The following ZBBX variants were observed in gnomAD, a reference collection of about 807,000 sequenced individuals.
The protein encoded by ZBBX is zinc finger B-box domain-containing protein 1.
ZBBX carries 101 observed loss-of-function variants against 108.5 expected under a neutral mutation model. The observed-to-expected ratio is 0.93, with a 90% CI of 0.79 to 1.10. ZBBX has a LOEUF of 1.10. ZBBX is among the 50% of genes least tolerant of loss of function. The pLI is 0.00. For missense variants in ZBBX, 1,009 were observed against 941.4 expected (o/e 1.07, Z -0.94); for synonymous variants, 356 against 323.4 (o/e 1.10, Z -1.08).
the ZBBX span, among the ~76,000 whole-genome samples, chr3:167,195,884 A>G: frequency 6.6e-6 from 1 of 152,196 alleles, no homozygotes; most frequent in Non-Finnish European, 1.5e-5. Context: ...TTAATGTTGA[A>G]GTTCAAGAGT....
At chr3:167,209,631 T>C in the ZBBX span, among the ~76,000 whole-genome samples, 22 of 152,282 alleles carry the variant, frequency 1.4e-4, no homozygotes, top group Admixed American at 3.9e-4. Flanking sequence ...CAAGCCCAGA[T>C]AGCAAAGACT....
chr3:167,382,833 T>C (rs1003950253), upstream of ZBBX, among the ~76,000 whole-genome samples: 4 of 152,140 alleles, frequency 2.6e-5, no homozygotes, highest in African/African-American at 9.6e-5. Context: ...ATTTTTCATA[T>C]CATTTGTATC....
chr3:167,251,758 A>G (rs143661239), intron 20 of ZBBX, among the ~76,000 whole-genome samples: 3 of 152,300 alleles, frequency 2.0e-5, no homozygotes, highest in African/African-American at 4.8e-5. Flanking sequence ...TCATCTTTCA[A>G]TATGGAATCT....
At chr3:167,322,547 CACAT>C (rs1560122799) in intron 11 of ZBBX, among the ~76,000 whole-genome samples, 1 of 151,856 alleles carries the variant, frequency 6.6e-6, no homozygotes, top group African/African-American at 2.4e-5. Context: ...ATTGTATAAA[CACAT>C]ACATAAAGGT....
chr3:167,314,677 A>G (rs948325597), intron 15 of ZBBX, among the ~76,000 whole-genome samples: 4 of 152,178 alleles, frequency 2.6e-5, no homozygotes, highest in African/African-American at 9.6e-5. Context: ...TCTGGATTAT[A>G]TTCAACCGAA....
chr3:167,252,260 C>T (rs1722755214), intron 20 of ZBBX: 7 of 1,064,706 alleles, frequency 6.6e-6, no homozygotes, highest in Non-Finnish European at 7.6e-6. Context: ...CACAATAATG[C>T]AGCTTTCACA....
At chr3:167,254,173 T>A (rs1296207455) in intron 20 of ZBBX, among the ~76,000 whole-genome samples, 1 of 152,174 alleles carries the variant, frequency 6.6e-6, no homozygotes, top group East Asian at 1.9e-4. Context: ...GCAGTTTTTC[T>A]GGGACACACA....
At chr3:167,252,838 G>T (rs559451047) in intron 20 of ZBBX, among the ~76,000 whole-genome samples, 3 of 152,292 alleles carry the variant, frequency 2.0e-5, no homozygotes, top group African/African-American at 7.2e-5. Context: ...CTGAAAAAAA[G>T]ACTAGCGTTT....
chr3:167,197,935 A>G, the ZBBX span, among the ~76,000 whole-genome samples: 1 of 152,232 alleles, frequency 6.6e-6, no homozygotes, highest in Non-Finnish European at 1.5e-5. Context: ...GGAAATAGAT[A>G]AGAAGCCTTG....
the ZBBX span, among the ~76,000 whole-genome samples, chr3:167,226,923 T>G: frequency 6.6e-6 from 1 of 151,780 alleles, no homozygotes; most frequent in Non-Finnish European, 1.5e-5. Flanking sequence ...GGAAGAGATT[T>G]CATCAGCCTG....
At chr3:167,250,928 G>T (rs148688557) in intron 20 of ZBBX, among the ~76,000 whole-genome samples, 2 of 152,090 alleles carry the variant, frequency 1.3e-5, no homozygotes, top group Admixed American at 1.3e-4. Flanking sequence ...CCCGAGACCC[G>T]AGTGGAAAAA....
intron 12 of ZBBX, among the ~76,000 whole-genome samples, chr3:167,318,462 T>C (rs371504567): frequency 6.6e-6 from 1 of 152,004 alleles, no homozygotes; most frequent in East Asian, 1.9e-4. Context: ...TGTACCGACT[T>C]GTTGAGTCAT....
At chr3:167,368,425 T>C (rs1745666482) in intron 5 of ZBBX, 36 bp downstream of exon 5, 1 of 1,400,710 alleles carries the variant, frequency 7.1e-7, no homozygotes. Context: ...TATAATTTAG[T>C]TGATTCATCT....
intron 7 of ZBBX, 67 bp from the exon 8 acceptor site, chr3:167,360,046 T>A: frequency 1.2e-6 from 1 of 868,982 alleles, no homozygotes; most frequent in Non-Finnish European, 1.7e-6. Flanking sequence ...ATTGATAAAT[T>A]AATGAAACTA....
chr3:167,191,953 C>G, the ZBBX span, among the ~76,000 whole-genome samples: 2,030 of 88,788 alleles, frequency 0.023, 92 homozygotes, highest in South Asian at 0.05. Flanking sequence ...TTATTTTAAT[C>G]AAATGTCAGC....
At chr3:167,193,244 T>C in the ZBBX span, among the ~76,000 whole-genome samples, 2 of 152,128 alleles carry the variant, frequency 1.3e-5, no homozygotes, top group Non-Finnish European at 2.9e-5. Context: ...TAGTAAACAA[T>C]CAAAGTATCA....
At chr3:167,308,306 A>T (rs1734010976) in intron 16 of ZBBX, among the ~76,000 whole-genome samples, 1 of 152,164 alleles carries the variant, frequency 6.6e-6, no homozygotes, top group South Asian at 2.1e-4. Flanking sequence ...AGTAAAAAAA[A>T]TAACAGATGC....
chr3:167,323,571 G>A (rs908809623), intron 11 of ZBBX, among the ~76,000 whole-genome samples: 6 of 152,052 alleles, frequency 3.9e-5, no homozygotes, highest in Non-Finnish European at 8.8e-5. Flanking sequence ...ACAAACTTAC[G>A]GATTTATGAG....
At chr3:167,383,430 A>C (rs554613796), upstream of ZBBX, among the ~76,000 whole-genome samples, 2 of 152,216 alleles carry the variant, frequency 1.3e-5, no homozygotes, top group East Asian at 3.9e-4. Context: ...ATTACAAAAA[A>C]TCCTTAGCAA....
Sources: allele counts gnomAD v4.1 joint callset (sites outside exome capture counted in the v4.1 genomes callset), GRCh38; gene constraint gnomAD v4.1.1; transcripts MANE v1.5; gene names NCBI Gene and HGNC (gene_info 2026-07-23, HGNC 2026-07-21).